RALGPS1: variants seen among roughly 807,000 people sequenced by gnomAD.
The protein encoded by RALGPS1 is ras-specific guanine nucleotide-releasing factor RalGPS1.
Under a neutral mutation model 78.8 loss-of-function variants are expected in RALGPS1, and 19 were observed. That is an observed-to-expected ratio of 0.24 (90% confidence interval 0.17 to 0.35). RALGPS1 has a LOEUF of 0.35. Ranked by LOEUF, RALGPS1 falls within the 10% of genes least tolerant of loss-of-function variation. The pLI is 1.00. For synonymous variants in RALGPS1, 228 were observed against 256.3 expected, an observed-to-expected ratio of 0.89 and a Z score of 1.06; for missense variants, 454 against 688.3, an observed-to-expected ratio of 0.66 and a Z score of 3.81.
At chr9:127,180,900 G>T (rs151142790) in intron 11 of RALGPS1, among the ~76,000 whole-genome samples, 2 of 152,342 alleles carry the variant, frequency 1.3e-5, no homozygotes, top group Non-Finnish European at 2.9e-5. Context: ...CTACAAGCGG[G>T]GGGCGCAGAA....
chr9:127,047,689 ACGC>A (rs1211400096), intron 5 of RALGPS1, among the ~76,000 whole-genome samples: 2 of 149,824 alleles, frequency 1.3e-5, no homozygotes, highest in African/African-American at 4.9e-5. Flanking sequence ...ACAGAGCGAG[ACGC>A]CCTCTCAAAA....
chr9:127,184,899 C>T (rs2060537148), intron 11 of RALGPS1, among the ~76,000 whole-genome samples: 1 of 152,224 alleles, frequency 6.6e-6, no homozygotes, highest in African/African-American at 2.4e-5. Context: ...TGAGCGGCAG[C>T]AGGGCTGCCA....
At chr9:126,986,848 G>C (rs2041845166) in intron 4 of RALGPS1, among the ~76,000 whole-genome samples, 1 of 152,162 alleles carries the variant, frequency 6.6e-6, no homozygotes. Flanking sequence ...CTCTAGCTTG[G>C]AGACTTAGGA....
intron 8 of RALGPS1, among the ~76,000 whole-genome samples, chr9:127,158,853 G>C (rs896588327): frequency 6.6e-6 from 1 of 150,490 alleles, no homozygotes. Context: ...GAATTAATTG[G>C]TAAGTGTTTT....
In RALGPS1 at chr9:126,940,460, G is replaced by A. The variant is rs573654314; in HGVS notation, c.-65-21765G>A. On this transcript the variant is annotated intron_variant, in intron 1 of 18. Transcript: ENST00000259351. ...TATATAATTTTTTTTTTTTTTTTGA[G>A]ATGGAGTCTCGCTCTGTTGCCTAGG... 2.5e-4 allele frequency among the ~76,000 whole-genome samples: 30 copies of A among 120,956 alleles called. 1 individual carries two copies. Among genetic ancestry groups the A allele is most frequent in the Non-Finnish European group, 5.0e-4 (29 of 58,564 alleles). 79.4% of individuals were successfully genotyped at this position (120,956 alleles called of 152,430 possible).
chr9:126,979,744 G>A (rs1316562743), intron 4 of RALGPS1, among the ~76,000 whole-genome samples: 1 of 152,166 alleles, frequency 6.6e-6, no homozygotes, highest in East Asian at 1.9e-4. Flanking sequence ...ACATACCTTA[G>A]TTCAAGTTGT....
In RALGPS1 at chr9:127,211,991, G is replaced by A. The variant is rs936053659; in HGVS notation, c.1248-140G>A. The stretch of plus-strand genomic sequence containing the variant: ...GCGTTATCACCTGGCCCTCCCCTCC[G>A]GGCCTTGCTCTGCGCCGTTAAGTCT... On this transcript the variant is annotated intron_variant, in intron 14 of 18. Transcript: ENST00000259351. This position sits in a 1 kb window ranked among gnomAD's most constrained non-coding sequence, Gnocchi z 5.0. 7.8e-5 allele frequency: 49 copies of A among 625,584 alleles called. No individual in the cohort carries two copies. The highest frequency in any genetic ancestry group is 3.4e-4 in the African/African-American group (18 of 53,692). The allele number at this position is 625,584 out of a possible 1,614,324, so 38.8% of individuals were successfully genotyped here.
intron 4 of RALGPS1, among the ~76,000 whole-genome samples, chr9:126,993,717 G>A (rs549628771): frequency 3.3e-5 from 5 of 152,172 alleles, no homozygotes; most frequent in South Asian, 4.2e-4. Flanking sequence ...ATCTGAGAAC[G>A]GGCAGACTGG....
At chr9:127,146,396 A>G (rs1172837773) in intron 8 of RALGPS1, among the ~76,000 whole-genome samples, 7 of 152,296 alleles carry the variant, frequency 4.6e-5, no homozygotes, top group Admixed American at 1.3e-4. Context: ...TTTGAAGGAC[A>G]TGATTTCATT....
intron 1 of RALGPS1, among the ~76,000 whole-genome samples, chr9:126,936,399 A>C (rs1177914509): frequency 6.6e-6 from 1 of 152,224 alleles, no homozygotes; most frequent in Non-Finnish European, 1.5e-5. Flanking sequence ...CTGGAACTGA[A>C]AGTCAATGAA....
chr9:127,132,486 G>C (rs1401479656), intron 8 of RALGPS1, among the ~76,000 whole-genome samples: 1 of 152,238 alleles, frequency 6.6e-6, no homozygotes, highest in Non-Finnish European at 1.5e-5. Context: ...GGTGTGATCA[G>C]TGTTCTTCCC....
At chr9:127,069,482 T>C (rs900679860) in intron 8 of RALGPS1, 126 bp downstream of exon 8, 8 of 1,108,158 alleles carry the variant, frequency 7.2e-6, no homozygotes, top group Non-Finnish European at 1.0e-5. Flanking sequence ...AGGCAATTGG[T>C]TGGCTCTTTG....
chr9:127,006,867 G>A (rs2043880359), intron 4 of RALGPS1, among the ~76,000 whole-genome samples: 1 of 151,450 alleles, frequency 6.6e-6, no homozygotes, highest in Non-Finnish European at 1.5e-5. Context: ...AATCTTATTG[G>A]CACAATTTGG....
intron 1 of RALGPS1, among the ~76,000 whole-genome samples, chr9:126,960,454 G>A (rs544968308): frequency 4.6e-5 from 7 of 151,800 alleles, no homozygotes; most frequent in South Asian, 2.1e-4. Context: ...GGCTGTTCTC[G>A]AACTCCTGAC....
In RALGPS1 at chr9:127,022,418, C is replaced by G. The variant is rs188293111; in HGVS notation, c.217-12013C>G. ...TTTGGGCCCTCTCTGCCGTGCTCTCCCTCATGGCATCAGGGCAATACAGCC... is the reference window on the plus strand; with the variant it reads ...TTTGGGCCCTCTCTGCCGTGCTCTCGCTCATGGCATCAGGGCAATACAGCC... On this transcript the variant is annotated intron_variant, in intron 4 of 18. Transcript: ENST00000259351. 1.4e-4 allele frequency among the ~76,000 whole-genome samples: 21 copies of G among 152,242 alleles called. No homozygotes were observed. In the East Asian group the frequency reaches 2.7e-3, roughly 20 times the overall value.
chr9:127,023,523 C>A (rs116950482), intron 4 of RALGPS1, among the ~76,000 whole-genome samples: 5 of 152,200 alleles, frequency 3.3e-5, no homozygotes, highest in Non-Finnish European at 7.4e-5. Flanking sequence ...TGTTTCACTG[C>A]AGCTGGTCTT....
intron 1 of RALGPS1, among the ~76,000 whole-genome samples, chr9:126,940,530 C>G (rs565096729): frequency 2.6e-5 from 4 of 151,308 alleles, no homozygotes; most frequent in African/African-American, 9.7e-5. Context: ...AGCTCTGCCT[C>G]CCGGGTTCAC....
intron 1 of RALGPS1, among the ~76,000 whole-genome samples, chr9:126,956,308 G>C (rs952587968): frequency 2.6e-5 from 4 of 152,114 alleles, no homozygotes; most frequent in African/African-American, 9.7e-5. Context: ...AGAACTGGGG[G>C]CTCAGCCAGG....
At position 126,975,115 on chromosome 9, in the gene RALGPS1, A is replaced by C. The variant is rs544274542; in HGVS notation, c.166-2580A>C. On this transcript the variant is annotated intron_variant, in intron 3 of 18. Transcript: ENST00000259351. ...TGATCTTTGTAAGTATCTTGTATCA[A>C]AATATCCTTGCTCTAGATACTGTAT... 2.0e-5 allele frequency among the ~76,000 whole-genome samples: 3 copies of C among 152,348 alleles called. No homozygotes were observed. In the South Asian group the frequency reaches 6.2e-4, roughly 32 times the overall value.
Sources: gnomAD v4.1 joint callset for allele counts (sites outside exome capture counted in the v4.1 genomes callset) on GRCh38, gnomAD v4.1.1 for gene constraint, Gnocchi (gnomAD v3.1) non-coding constraint, MANE v1.5 for transcripts, NCBI Gene and HGNC (gene_info 2026-07-23, HGNC 2026-07-21) for gene names.